MYO16: variants seen among roughly 807,000 people sequenced by gnomAD.
MYO16 encodes unconventional myosin-XVI.
MYO16 carries 94 observed loss-of-function variants against 205.3 expected under a neutral mutation model. The observed-to-expected ratio is 0.46, with a 90% CI of 0.39 to 0.54. The LOEUF (loss-of-function observed/expected upper bound fraction) is 0.54, where lower values mean the gene tolerates loss of function less well. Among genes scored for constraint, MYO16 ranks in the 20% least tolerant of loss-of-function variants. MYO16 has a pLI of 0.00. For missense variants in MYO16, 2,315 were observed against 2,387.5 expected, an observed-to-expected ratio of 0.97 and a Z score of 0.63; for synonymous variants, 988 against 954.0, an observed-to-expected ratio of 1.04 and a Z score of -0.66.
intron 16 of MYO16, among the ~76,000 whole-genome samples, chr13:108,914,345 G>C (rs1401682764): frequency 6.6e-6 from 1 of 151,706 alleles, no homozygotes; most frequent in East Asian, 1.9e-4. Context: ...CTATTCCTAT[G>C]ATGTAGAATA....
At chr13:108,756,468 T>A (rs1885425591) in intron 4 of MYO16, among the ~76,000 whole-genome samples, 1 of 152,160 alleles carries the variant, frequency 6.6e-6, no homozygotes, top group African/African-American at 2.4e-5. Context: ...TTTACTCTGT[T>A]CATTTATTTA....
chr13:109,091,644 C>G (rs1488955609), intron 27 of MYO16, among the ~76,000 whole-genome samples: 1 of 152,194 alleles, frequency 6.6e-6, no homozygotes, highest in African/African-American at 2.4e-5. Flanking sequence ...CTTGGCTGCT[C>G]CAAAATTGGA....
At chr13:108,633,268 A>G (rs1880070552) in intron 1 of MYO16, among the ~76,000 whole-genome samples, 1 of 152,176 alleles carries the variant, frequency 6.6e-6, no homozygotes, top group African/African-American at 2.4e-5. Context: ...AACTCACACA[A>G]TCACAAGGTG....
chr13:109,096,881 A>G (rs1305857023), intron 27 of MYO16, among the ~76,000 whole-genome samples: 2 of 152,254 alleles, frequency 1.3e-5, no homozygotes, highest in Non-Finnish European at 2.9e-5. Flanking sequence ...TGCCAAGGGC[A>G]TCATAGCAAA....
chr13:108,754,534 A>G (rs1210708430), intron 4 of MYO16, among the ~76,000 whole-genome samples: 1 of 146,860 alleles, frequency 6.8e-6, no homozygotes, highest in Non-Finnish European at 1.5e-5. Flanking sequence ...GTGTGTGTGT[A>G]ATAAAAATTA....
At position 109,162,703 on chromosome 13, in the gene MYO16, T is replaced by C. The variant is rs557912112; in HGVS notation, c.5165-2198T>C. Among the ~76,000 whole-genome samples, 86 of 152,212 alleles carry C rather than the reference T, an allele frequency of 5.7e-4. 1 individual carries two copies. Among genetic ancestry groups the C allele is most frequent in the Middle Eastern group, 6.8e-3 (2 of 294 alleles). ...TTATGTATCTCCCGCACTCAGTGAG[T>C]ATCTGGCACATAGTAGGCACCCAAT... On this transcript the variant is annotated intron_variant, in intron 32 of 34. Coordinates refer to ENST00000457511, the MANE Select transcript of MYO16 (RefSeq NM_001198950.3). This position sits in a 1 kb window ranked among gnomAD's most constrained non-coding sequence, Gnocchi z 4.6.
intron 10 of MYO16, among the ~76,000 whole-genome samples, chr13:108,851,284 T>G (rs1012176195): frequency 6.6e-6 from 1 of 152,240 alleles, no homozygotes; most frequent in African/African-American, 2.4e-5. Context: ...TTTTTGTACA[T>G]GCATACGTGC....
chr13:108,816,378 GT>G, intron 7 of MYO16, among the ~76,000 whole-genome samples: 1 of 150,976 alleles, frequency 6.6e-6, no homozygotes, highest in Middle Eastern at 3.4e-3. Flanking sequence ...TAAGTTTACC[GT>G]TTAAGTTTAC....
chr13:108,653,387 T>C (rs906301836), intron 1 of MYO16, among the ~76,000 whole-genome samples: 1 of 152,186 alleles, frequency 6.6e-6, no homozygotes, highest in African/African-American at 2.4e-5. Context: ...GTTTTTAAGT[T>C]TGATGTAGTC....
At chr13:108,975,792 C>T (rs957712256) in intron 20 of MYO16, among the ~76,000 whole-genome samples, 1 of 152,022 alleles carries the variant, frequency 6.6e-6, no homozygotes, top group African/African-American at 2.4e-5. Flanking sequence ...TGCCTTCCAC[C>T]CTCCATGTGA....
intron 33 of MYO16, among the ~76,000 whole-genome samples, chr13:109,175,650 A>G (rs1382894151): frequency 6.6e-6 from 1 of 152,112 alleles, no homozygotes; most frequent in East Asian, 1.9e-4. Context: ...GGACACATGA[A>G]TCTCTAAGCT....
At chr13:108,593,749 C>T (rs539291963), upstream of MYO16, among the ~76,000 whole-genome samples, 7 of 152,270 alleles carry the variant, frequency 4.6e-5, no homozygotes, top group Admixed American at 3.9e-4. Flanking sequence ...CCGAGGTCAA[C>T]ACTCCAGCTC....
intron 11 of MYO16, among the ~76,000 whole-genome samples, chr13:108,861,518 A>G (rs1878449728): frequency 1.3e-5 from 2 of 152,132 alleles, no homozygotes; most frequent in Non-Finnish European, 2.9e-5. Context: ...AAGTACTTCT[A>G]TGGGGTCTTT....
chr13:109,121,484 C>A (rs541555984), intron 29 of MYO16, among the ~76,000 whole-genome samples: 1 of 152,356 alleles, frequency 6.6e-6, no homozygotes, highest in South Asian at 2.1e-4. Flanking sequence ...TGGCAACATC[C>A]TCCTTTGGCC....
chr13:108,875,866 C>A (rs534632408), intron 12 of MYO16, among the ~76,000 whole-genome samples: 2 of 151,830 alleles, frequency 1.3e-5, no homozygotes, highest in African/African-American at 4.8e-5. Flanking sequence ...TGAGCGAGAC[C>A]CTGTCTCAAA....
intron 23 of MYO16, among the ~76,000 whole-genome samples, chr13:109,023,156 A>C (rs1886155023): frequency 7.7e-6 from 1 of 130,058 alleles, no homozygotes; most frequent in South Asian, 2.3e-4. Context: ...TATGTATTAT[A>C]TATACAAATA....
At chr13:108,875,411 A>G (rs950231361) in intron 12 of MYO16, among the ~76,000 whole-genome samples, 12 of 152,236 alleles carry the variant, frequency 7.9e-5, no homozygotes, top group African/African-American at 2.9e-4. Flanking sequence ...AAAGTTTTAT[A>G]GAATTACACT....
intron 1 of MYO16, among the ~76,000 whole-genome samples, chr13:108,633,014 A>G (rs891107665): frequency 8.5e-5 from 13 of 152,168 alleles, no homozygotes; most frequent in African/African-American, 2.7e-4. Context: ...CACCTGACCT[A>G]TTTCTCTCCT....
intron 16 of MYO16, among the ~76,000 whole-genome samples, chr13:108,955,515 C>T (rs1035201751): frequency 1.3e-5 from 2 of 152,190 alleles, no homozygotes; most frequent in African/African-American, 2.4e-5. Flanking sequence ...GGCACAATTT[C>T]CTGGTTTCTG....
Sources: gnomAD v4.1 joint callset for allele counts (sites outside exome capture counted in the v4.1 genomes callset) on GRCh38, gnomAD v4.1.1 for gene constraint, Gnocchi (gnomAD v3.1) non-coding constraint, MANE v1.5 for transcripts, NCBI Gene and HGNC (gene_info 2026-07-23, HGNC 2026-07-21) for gene names.